Variants in TENT5A observed in about 807,000 individuals in gnomAD.
TENT5A encodes HBV X-transactivated gene 11 protein.
TENT5A carries 9 observed loss-of-function variants against 30.2 expected under a neutral mutation model. The ratio of observed to expected loss-of-function variants is 0.30; its 90% CI spans 0.18 to 0.52. The LOEUF (loss-of-function observed/expected upper bound fraction) is 0.52. Among genes scored for constraint, TENT5A ranks in the 20% least tolerant of loss-of-function variants. TENT5A has a pLI of 0.97. For synonymous variants in TENT5A, 264 were observed against 234.2 expected (o/e 1.13, Z -1.16); for missense variants, 411 against 566.1 (o/e 0.73, Z 2.78).
At chr6:81,752,318 C>T in intron 1 of TENT5A, 113 bp downstream of exon 1, 1 of 1,536,638 alleles carries the variant, frequency 6.5e-7, no homozygotes, top group Admixed American at 2.1e-5. Context: ...CGGAGACTCC[C>T]TCCCCCGGCC....
chr6:81,748,749 T>G lies in TENT5A; in HGVS notation c.*946A>C. The G allele has an allele frequency of 2.0e-6, 2 of 985,490 alleles. No individual in the cohort carries two copies. The highest frequency in any genetic ancestry group is 9.4e-5 in the South Asian group (2 of 21,284). 61.0% of individuals were successfully genotyped at this position (985,490 alleles called of 1,614,324 possible). On this transcript the variant is annotated 3_prime_UTR_variant, in exon 3 of 3. Coordinates refer to ENST00000320172, the MANE Select transcript of TENT5A (RefSeq NM_017633.3). ...TTATACAAGTATTTGCAAGAAAAAA[T>G]AGGGCATTTTCTCCACCATTCACAA...
rs545732284 is a variant in TENT5A at position 81,749,628 on chromosome 6, CTTTTTTTTTTTT to C, written c.*55_*66del. 1.3e-6 allele frequency: 1 copy of C among 793,926 alleles called. No individual in the cohort carries two copies. The highest frequency in any genetic ancestry group is 1.8e-6 in the Non-Finnish European group (1 of 565,302). 49.2% of individuals were successfully genotyped at this position (793,926 alleles called of 1,614,324 possible). A position where few individuals can be genotyped will look rare whatever the true frequency, so the allele number is the denominator to read the frequency against. On this transcript the variant is annotated 3_prime_UTR_variant, in exon 3 of 3. Coordinates refer to ENST00000320172, the MANE Select transcript of TENT5A (RefSeq NM_017633.3). ...AGGGCTGGATCACTCTTTTTTTTTT[CTTTTTTTTTTTT>C]TTCTCTCCTGTCTTGTCTGAAATGG...
Position 81,746,590 on chromosome 6 carries a change from C to T in TENT5A, c.*3105G>A. On this transcript the variant is annotated 3_prime_UTR_variant, in exon 3 of 3. Transcript: ENST00000320172. ...CTGGATTTACTGCAAATTAAGTAAA[C>T]CTTTAAAAACGGCATTGTCACAGGC... The T allele has an allele frequency of 1.8e-5, 22 of 1,232,022 alleles. No individual in the cohort carries two copies. The highest frequency in any genetic ancestry group is 2.1e-5 in the Non-Finnish European group (21 of 987,900). 76.3% of individuals were successfully genotyped at this position (1,232,022 alleles called of 1,614,324 possible).
At position 81,747,953 on chromosome 6, in the gene TENT5A, G is replaced by T; in HGVS notation, c.*1742C>A. On this transcript the variant is annotated 3_prime_UTR_variant, in exon 3 of 3. Coordinates refer to ENST00000320172, the MANE Select transcript of TENT5A (RefSeq NM_017633.3). ...AGTTGGATTTGATTTAATGGAAAGC[G>T]ATTTAAAGTACAGTACTAAATATTT... 1 of 984,374 alleles carries T rather than the reference G, an allele frequency of 1.0e-6. No individual in the cohort carries two copies. The highest frequency in any genetic ancestry group is 1.2e-6 in the Non-Finnish European group (1 of 828,722). 61.0% of individuals were successfully genotyped at this position (984,374 alleles called of 1,614,324 possible). A position where few individuals can be genotyped will look rare whatever the true frequency, so the allele number is the denominator to read the frequency against.
At position 81,746,356 on chromosome 6, in the gene TENT5A, T is replaced by C; in HGVS notation, c.*3339A>G. On this transcript the variant is annotated 3_prime_UTR_variant, in exon 3 of 3. Transcript: ENST00000320172. Reference sequence around the variant, plus strand: ...GCATTGAAAACAACTTTATGCACAGTGAAGCAACCAACAATAAGCAAACAG... The same window carrying C: ...GCATTGAAAACAACTTTATGCACAGCGAAGCAACCAACAATAAGCAAACAG... The C allele has an allele frequency of 8.2e-7, 1 of 1,226,674 alleles. No homozygotes were observed. Among genetic ancestry groups the C allele is most frequent in the Non-Finnish European group, 1.0e-6 (1 of 985,016 alleles). The allele number at this position is 1,226,674 out of a possible 1,614,324, so 76.0% of individuals were successfully genotyped here. A position where few individuals can be genotyped will look rare whatever the true frequency, so the allele number is the denominator to read the frequency against.
chr6:81,749,672 C>A lies in TENT5A; in HGVS notation c.*23G>T. On this transcript the variant is annotated 3_prime_UTR_variant, in exon 3 of 3. Transcript: ENST00000320172. ...CCTGTCTTGTCTGAAATGGCTTCCC[C>A]ACAGGACATTTTTAAATGATTCTTA... 1.3e-6 allele frequency: 2 copies of A among 1,594,838 alleles called. No individual in the cohort carries two copies. The highest frequency in any genetic ancestry group is 3.4e-5 in the Admixed American group (2 of 58,482).
chr6:81,748,205 A>G lies in TENT5A; in HGVS notation c.*1490T>C. Reference sequence around the variant, plus strand: ...GTTTAGATCACCGGAAATCCTTTTTAGCAGTCAGGGATTTAAGTAGCCTAT... The same window carrying G: ...GTTTAGATCACCGGAAATCCTTTTTGGCAGTCAGGGATTTAAGTAGCCTAT... On this transcript the variant is annotated 3_prime_UTR_variant, in exon 3 of 3. Coordinates refer to ENST00000320172, the MANE Select transcript of TENT5A (RefSeq NM_017633.3). 1 of 985,552 alleles carries G rather than the reference A, an allele frequency of 1.0e-6. No homozygotes were observed. The highest frequency in any genetic ancestry group is 1.2e-6 in the Non-Finnish European group (1 of 829,808). 61.1% of individuals were successfully genotyped at this position (985,552 alleles called of 1,614,324 possible).
At position 81,748,231 on chromosome 6, in the gene TENT5A, T is replaced by C. The variant is rs932045223; in HGVS notation, c.*1464A>G. On this transcript the variant is annotated 3_prime_UTR_variant, in exon 3 of 3. Transcript: ENST00000320172. ...GCAGTCAGGGATTTAAGTAGCCTATTACTGATCCATGATCCACTAGATTAA... is the reference window on the plus strand; with the variant it reads ...GCAGTCAGGGATTTAAGTAGCCTATCACTGATCCATGATCCACTAGATTAA... The C allele has an allele frequency of 8.1e-6, 8 of 985,018 alleles. No individual in the cohort carries two copies. In the African/African-American group the frequency reaches 1.4e-4, roughly 17 times the overall value. 61.0% of individuals were successfully genotyped at this position (985,018 alleles called of 1,614,324 possible).
chr6:81,750,843 G>T lies in TENT5A; in HGVS notation c.553-372C>A, dbSNP rs1184287943. Among the ~76,000 whole-genome samples the T allele has an allele frequency of 6.6e-6, 1 of 152,224 alleles. No individual in the cohort carries two copies. The highest frequency in any genetic ancestry group is 1.9e-4 in the East Asian group (1 of 5,196). ...AAAAGACTCGGAAGGGCATTCAGCGGTAGGTTAGTCAGCCTCTCGCCCTTG... is the reference window on the plus strand; with the variant it reads ...AAAAGACTCGGAAGGGCATTCAGCGTTAGGTTAGTCAGCCTCTCGCCCTTG... On this transcript the variant is annotated intron_variant, in intron 2 of 2. Coordinates refer to ENST00000320172, the MANE Select transcript of TENT5A (RefSeq NM_017633.3). This position sits in a 1 kb window ranked among gnomAD's most constrained non-coding sequence, Gnocchi z 4.2.
Position 81,747,845 on chromosome 6 carries a change from G to A in TENT5A, c.*1850C>T. ...CTGGCTAGGAGAAAGGGTGGTTTTA[G>A]GATTAGCTGTTATTGAACTGAAATA... On this transcript the variant is annotated 3_prime_UTR_variant, in exon 3 of 3. Transcript: ENST00000320172. The A allele has an allele frequency of 4.1e-6, 4 of 985,822 alleles. No homozygotes were observed. Among genetic ancestry groups the A allele is most frequent in the Non-Finnish European group, 4.8e-6 (4 of 829,910 alleles). The allele number at this position is 985,822 out of a possible 1,614,324, so 61.1% of individuals were successfully genotyped here. A position where few individuals can be genotyped will look rare whatever the true frequency, so the allele number is the denominator to read the frequency against.
chr6:81,746,965 T>C lies in TENT5A; in HGVS notation c.*2730A>G, dbSNP rs1768898358. 1.0e-6 allele frequency: 1 copy of C among 991,192 alleles called. No homozygotes were observed. Among genetic ancestry groups the C allele is most frequent in the Non-Finnish European group, 1.2e-6 (1 of 833,410 alleles). The allele number at this position is 991,192 out of a possible 1,614,324, so 61.4% of individuals were successfully genotyped here. On this transcript the variant is annotated 3_prime_UTR_variant, in exon 3 of 3. Transcript: ENST00000320172. ...TTGAGTACAGCCTGTTCTATATGAA[T>C]AGGTGCCAGGTGCTGGCACTTCCAA...
At chr6:81,751,317 G>C (rs1167526981) in intron 2 of TENT5A, among the ~76,000 whole-genome samples, 1 of 152,174 alleles carries the variant, frequency 6.6e-6, no homozygotes, top group Non-Finnish European at 1.5e-5. Context: ...GGAAAGCCAA[G>C]AGTTAAAACA....
In TENT5A at chr6:81,751,973, C is replaced by G. The variant is rs779665251; in HGVS notation, c.169G>C (p.Glu57Gln). Residue 57 changes from glutamate (E) to glutamine (Q), a missense_variant, in exon 2 of 3, where the codon GAA (glutamate) becomes CAA (glutamine). Glu to Gln is a conservative substitution (Grantham distance 29, BLOSUM62 2). Transcript: ENST00000320172. Reference sequence around the variant, plus strand: ...ACATTGCAGTGCGCCGTAGGGCTTTCGCAATAGTCCAAGCAATGCCCACCG... The same window carrying G: ...ACATTGCAGTGCGCCGTAGGGCTTTGGCAATAGTCCAAGCAATGCCCACCG... ...SFGGHCLDYC[E>Q]SPTAHCNVLN... The G allele has an allele frequency of 1.9e-6, 3 of 1,571,522 alleles. No homozygotes were observed. The East Asian group carries it at 6.9e-5, about 36-fold the overall frequency.
rs978403385 is a variant in TENT5A at position 81,745,789 on chromosome 6, C to A, written c.*3906G>T. 6.1e-6 allele frequency: 6 copies of A among 985,550 alleles called. No individual in the cohort carries two copies. The African/African-American group carries it at 1.0e-4, about 17-fold the overall frequency. 61.1% of individuals were successfully genotyped at this position (985,550 alleles called of 1,614,324 possible). A position where few individuals can be genotyped will look rare whatever the true frequency, so the allele number is the denominator to read the frequency against. ...AAATCCAAATATTGGATGCTGTAAA[C>A]AAAATTCACAATCTGTTCCCTCTAG... On this transcript the variant is annotated 3_prime_UTR_variant, in exon 3 of 3. Coordinates refer to ENST00000320172, the MANE Select transcript of TENT5A (RefSeq NM_017633.3).
rs1768978357 is a variant in TENT5A at position 81,749,369 on chromosome 6, T to C, written c.*326A>G. 1 of 1,076,086 alleles carries C rather than the reference T, an allele frequency of 9.3e-7. No individual in the cohort carries two copies. The highest frequency in any genetic ancestry group is 4.4e-5 in the South Asian group (1 of 22,502). The allele number at this position is 1,076,086 out of a possible 1,614,324, so 66.7% of individuals were successfully genotyped here. On this transcript the variant is annotated 3_prime_UTR_variant, in exon 3 of 3. Coordinates refer to ENST00000320172, the MANE Select transcript of TENT5A (RefSeq NM_017633.3). ...CCTATGGCAAAGCTATGGGAGCAGATACAGCAAACCCATATTGTCATCACA... is the reference window on the plus strand; with the variant it reads ...CCTATGGCAAAGCTATGGGAGCAGACACAGCAAACCCATATTGTCATCACA...
chr6:81,752,233 G>C (rs1769061375), intron 1 of TENT5A, 55 bp from the exon 2 acceptor site: 2 of 1,469,778 alleles, frequency 1.4e-6, no homozygotes, highest in Admixed American at 5.4e-5. Context: ...GAGAGCACGC[G>C]CGGCGGCGGA....
In TENT5A at chr6:81,749,928, T is replaced by C. The variant is rs770655416; in HGVS notation, c.1096A>G (p.Thr366Ala). The C allele has an allele frequency of 1.9e-5, 30 of 1,614,058 alleles. No homozygotes were observed. Residue 366 changes from threonine to alanine, a missense_variant, in exon 3 of 3, where the codon ACA becomes GCA. Around this residue, in one of 5 missense-constraint regions of TENT5A, gnomAD observed 135 missense variants for 240.0 expected, o/e 0.56. Transcript: ENST00000320172. ...CTTTCATGTCCCATCAGGCACACTG[T>C]GCTCTCATTTACCACTCCATGAAGG... Reference protein sequence around the residue: ...MTLHGVVNESTVCLMGHERRQ... With the variant: ...MTLHGVVNESAVCLMGHERRQ...
chr6:81,746,895 T>C lies in TENT5A; in HGVS notation c.*2800A>G. On this transcript the variant is annotated 3_prime_UTR_variant, in exon 3 of 3. Transcript: ENST00000320172. ...GCACAAGACTATAGTACACACAAAA[T>C]AGAAATAAATTATATAAGTCTTAAA... 3 of 1,055,122 alleles carry C rather than the reference T, an allele frequency of 2.8e-6. No homozygotes were observed. Among genetic ancestry groups the C allele is most frequent in the Non-Finnish European group, 3.4e-6 (3 of 875,926 alleles). The allele number at this position is 1,055,122 out of a possible 1,614,324, so 65.4% of individuals were successfully genotyped here. A position where few individuals can be genotyped will look rare whatever the true frequency, so the allele number is the denominator to read the frequency against.
Position 81,750,415 on chromosome 6 carries a change from A to G in TENT5A, c.609T>C (p.Leu203=). The G allele has an allele frequency of 1.2e-6, 2 of 1,608,366 alleles. No individual in the cohort carries two copies. Among genetic ancestry groups the G allele is most frequent in the Non-Finnish European group, 1.7e-6 (2 of 1,177,848 alleles). ...KVCNDSDRWS[L]ISLSNNSGKN... ...TGCCACTGTTGTTTGACAGGGATAT[A>G]AGACTCCATCGGTCAGAGTCATTGC... The change falls in exon 3 of 3, where the codon CTT becomes CTC. Residue 203 remains leucine (L), a synonymous_variant. Coordinates refer to ENST00000320172, the MANE Select transcript of TENT5A (RefSeq NM_017633.3). This position sits in a 1 kb window ranked among gnomAD's most constrained non-coding sequence, Gnocchi z 4.2.
Sources: gnomAD v4.1 joint callset for allele counts (sites outside exome capture counted in the v4.1 genomes callset) on GRCh38, gnomAD v4.1.1 for gene constraint, gnomAD v4.1.1 regional missense constraint, Gnocchi (gnomAD v3.1) non-coding constraint, MANE v1.5 for transcripts, NCBI Gene and HGNC (gene_info 2026-07-23, HGNC 2026-07-21) for gene names.